Variants in NEBL observed in about 807,000 individuals in gnomAD.
NEBL encodes the protein nebulette.
A neutral mutation model predicts 140.2 loss-of-function variants in NEBL; 122 were observed. The ratio of observed to expected loss-of-function variants is 0.87; its 90% CI spans 0.75 to 1.01. The LOEUF (loss-of-function observed/expected upper bound fraction) is 1.01. Among genes scored for constraint, NEBL ranks in the 50% least tolerant of loss-of-function variants. The pLI is 0.00. For synonymous variants in NEBL, 436 were observed against 398.9 expected, an observed-to-expected ratio of 1.09 and a Z score of -1.11; for missense variants, 1,365 against 1,231.3, an observed-to-expected ratio of 1.11 and a Z score of -1.62.
chr10:20,851,094 A>T (rs891913908), intron 10 of NEBL, among the ~76,000 whole-genome samples: 1 of 152,174 alleles, frequency 6.6e-6, no homozygotes, highest in African/African-American at 2.4e-5. Flanking sequence ...TCTAATCCTC[A>T]TCTTACTTCG....
At chr10:21,211,761 G>A (rs1055084017) in intron 3 of NEBL, among the ~76,000 whole-genome samples, 1 of 152,176 alleles carries the variant, frequency 6.6e-6, no homozygotes, top group East Asian at 1.9e-4. Context: ...CCATTGCCAA[G>A]GGAGATCCTT....
intron 3 of NEBL, among the ~76,000 whole-genome samples, chr10:21,008,173 TA>T (rs1346888007): frequency 2.6e-5 from 4 of 152,216 alleles, no homozygotes; most frequent in Admixed American, 6.5e-5. Flanking sequence ...CAAATGTATG[TA>T]AAAACATGCA....
intron 2 of NEBL, among the ~76,000 whole-genome samples, chr10:21,144,596 C>T (rs558461584): frequency 2.0e-5 from 3 of 152,130 alleles, no homozygotes; most frequent in Middle Eastern, 3.4e-3. Flanking sequence ...TGTGGTGGCA[C>T]GTGCCTGTAA....
At chr10:20,980,448 A>G (rs1836991681) in intron 3 of NEBL, among the ~76,000 whole-genome samples, 1 of 152,230 alleles carries the variant, frequency 6.6e-6, no homozygotes, top group African/African-American at 2.4e-5. Flanking sequence ...AGAAAAGTAG[A>G]GAAGAAAGAA....
chr10:20,941,540 C>T (rs1834867176), intron 4 of NEBL, among the ~76,000 whole-genome samples: 1 of 151,836 alleles, frequency 6.6e-6, no homozygotes, highest in African/African-American at 2.4e-5. Context: ...GGGATGCCCT[C>T]TCTCATCACT....
chr10:21,251,873 G>A (rs1842593307), intron 1 of NEBL, among the ~76,000 whole-genome samples: 1 of 152,120 alleles, frequency 6.6e-6, no homozygotes, highest in Non-Finnish European at 1.5e-5. Context: ...CCAGTTTATG[G>A]TATTTGGTCA....
chr10:20,841,178 T>A (rs1841383922), intron 12 of NEBL, among the ~76,000 whole-genome samples: 1 of 152,138 alleles, frequency 6.6e-6, no homozygotes, highest in African/African-American at 2.4e-5. Context: ...TTGTTAAAAC[T>A]ATTTTTGAAA....
intron 2 of NEBL, among the ~76,000 whole-genome samples, chr10:21,033,539 G>A (rs966185633): frequency 6.6e-5 from 10 of 151,898 alleles, no homozygotes; most frequent in South Asian, 2.1e-4. Context: ...CATCCATGTA[G>A]AACAGAAATC....
chr10:21,011,819 C>G (rs1564479574), intron 3 of NEBL, among the ~76,000 whole-genome samples: 1 of 152,230 alleles, frequency 6.6e-6, no homozygotes, highest in African/African-American at 2.4e-5. Context: ...ACATCCACCC[C>G]TGGCCCCAGG....
chr10:21,148,279 G>A (rs993274216), intron 2 of NEBL, among the ~76,000 whole-genome samples: 2 of 152,158 alleles, frequency 1.3e-5, no homozygotes, highest in South Asian at 2.1e-4. Flanking sequence ...TTCCATCCAC[G>A]TTCATGGCTC....
intron 2 of NEBL, among the ~76,000 whole-genome samples, chr10:21,112,060 G>A (rs1054340529): frequency 1.3e-5 from 2 of 152,236 alleles, no homozygotes; most frequent in Admixed American, 6.5e-5. Flanking sequence ...ACGCCAGTTA[G>A]AATGGCGATC....
chr10:20,856,957 T>C (rs1456761042), intron 9 of NEBL, among the ~76,000 whole-genome samples: 2 of 152,014 alleles, frequency 1.3e-5, no homozygotes, highest in Admixed American at 6.6e-5. Flanking sequence ...GTCTCCTGAG[T>C]AGCTGGGATT....
In NEBL at chr10:21,142,065, T is replaced by C. The variant is rs184512447; in HGVS notation, c.164+30318A>G. Among the ~76,000 whole-genome samples, 89 of 152,276 alleles carry C rather than the reference T, an allele frequency of 5.8e-4. 2 individuals are homozygous for C. The highest frequency in any genetic ancestry group is 5.6e-3 in the Admixed American group (86 of 15,298). On this transcript the variant is annotated intron_variant, in intron 2 of 6. Coordinates refer to the NEBL transcript ENST00000417816. ...AAGGGTTTTGAATCACTCTCTGTAA[T>C]AGGACAAAAGACCTCATTCAGTGGC... is the stretch of plus-strand genomic sequence containing the variant.
intron 3 of NEBL, among the ~76,000 whole-genome samples, chr10:21,190,471 G>A (rs189600426): frequency 2.0e-5 from 3 of 152,266 alleles, no homozygotes; most frequent in Admixed American, 1.3e-4. Context: ...GCGACAGAGC[G>A]AGACTCTGTC....
At chr10:21,140,638 T>C (rs1839585456) in intron 2 of NEBL, among the ~76,000 whole-genome samples, 1 of 152,204 alleles carries the variant, frequency 6.6e-6, no homozygotes, top group African/African-American at 2.4e-5. Flanking sequence ...ACAAGACATT[T>C]ACGGTAAAAT....
chr10:21,069,367 C>T (rs1327726422), intron 2 of NEBL, among the ~76,000 whole-genome samples: 1 of 152,206 alleles, frequency 6.6e-6, no homozygotes, highest in Non-Finnish European at 1.5e-5. Context: ...TTCTCCCATG[C>T]ACCATGTCAC....
At chr10:21,083,902 A>T (rs1164837879) in intron 2 of NEBL, among the ~76,000 whole-genome samples, 1 of 152,158 alleles carries the variant, frequency 6.6e-6, no homozygotes, top group Non-Finnish European at 1.5e-5. Context: ...ACTGGAACAG[A>T]TACTCTGGCA....
chr10:21,215,516 A>C (rs1177564386), intron 3 of NEBL, among the ~76,000 whole-genome samples: 2 of 152,232 alleles, frequency 1.3e-5, no homozygotes, highest in Non-Finnish European at 1.5e-5. Flanking sequence ...GAATGAGAAA[A>C]GATTTCACAA....
At chr10:20,887,269 T>C (rs978046527) in intron 4 of NEBL, among the ~76,000 whole-genome samples, 1 of 152,198 alleles carries the variant, frequency 6.6e-6, no homozygotes, top group Non-Finnish European at 1.5e-5. Context: ...CAACTGGCAA[T>C]CACCAAATAG....
Sources: allele counts gnomAD v4.1 joint callset (sites outside exome capture counted in the v4.1 genomes callset), GRCh38; gene constraint gnomAD v4.1.1; transcripts MANE v1.5; gene names NCBI Gene and HGNC (gene_info 2026-07-23, HGNC 2026-07-21).